Variants in RBMS3 observed in about 807,000 individuals in gnomAD.
RBMS3 encodes RNA-binding motif, single-stranded-interacting protein 3.
In RBMS3, 27 loss-of-function variants were observed where a neutral mutation model predicts 66.8. The ratio of observed to expected loss-of-function variants is 0.40; its 90% CI spans 0.30 to 0.56. The LOEUF is 0.56. Ranked by LOEUF, RBMS3 falls within the 20% of genes least tolerant of loss-of-function variation. The pLI, the probability that RBMS3 is intolerant of heterozygous loss-of-function variation, is 0.40. For synonymous variants in RBMS3, 188 were observed against 183.0 expected (o/e 1.03, Z -0.22); for missense variants, 513 against 549.5 (o/e 0.93, Z 0.66).
chr3:29,957,117 C>A (rs1490996308), intron 12 of RBMS3, among the ~76,000 whole-genome samples: 1 of 152,068 alleles, frequency 6.6e-6, no homozygotes, highest in Non-Finnish European at 1.5e-5. Flanking sequence ...GTTGCCTTAT[C>A]CTTTTGTCTT....
At chr3:29,883,801 T>C (rs1209745008) in intron 7 of RBMS3, among the ~76,000 whole-genome samples, 1 of 152,052 alleles carries the variant, frequency 6.6e-6, no homozygotes, top group Non-Finnish European at 1.5e-5. Context: ...AACTGCAGGA[T>C]TCGTTCTTAC....
intron 6 of RBMS3, among the ~76,000 whole-genome samples, chr3:29,848,799 G>T (rs77063987): frequency 0.096 from 14,596 of 152,144 alleles, 1,936 homozygotes; most frequent in African/African-American, 0.29. Flanking sequence ...AAACAGACTT[G>T]TAAGAGGTTT....
chr3:29,985,601 G>T (rs1185074537), intron 12 of RBMS3, among the ~76,000 whole-genome samples: 1 of 152,064 alleles, frequency 6.6e-6, no homozygotes, highest in Non-Finnish European at 1.5e-5. Flanking sequence ...GCTAGGAGAG[G>T]GAGTTATCCA....
At chr3:29,454,139 A>T (rs959987596) in intron 2 of RBMS3, among the ~76,000 whole-genome samples, 3 of 152,196 alleles carry the variant, frequency 2.0e-5, no homozygotes, top group African/African-American at 7.2e-5. Flanking sequence ...AGCTTTTGGA[A>T]GGGAGAAAGT....
intron 3 of RBMS3, among the ~76,000 whole-genome samples, chr3:29,537,048 G>A (rs2045581235): frequency 1.3e-5 from 2 of 152,044 alleles, no homozygotes. Flanking sequence ...TTGAAATGAT[G>A]GAAAATGATG....
At chr3:29,303,077 AG>A in intron 1 of RBMS3, among the ~76,000 whole-genome samples, 1 of 152,138 alleles carries the variant, frequency 6.6e-6, no homozygotes, top group East Asian at 1.9e-4. Context: ...ATGACAGCCA[AG>A]TGGTGGACCC....
At chr3:29,863,448 TC>T (rs2059267831) in intron 6 of RBMS3, among the ~76,000 whole-genome samples, 1 of 152,126 alleles carries the variant, frequency 6.6e-6, no homozygotes, top group African/African-American at 2.4e-5. Flanking sequence ...GTATCTGTCT[TC>T]CATTATAATC....
chr3:29,632,585 G>T (rs932096770), intron 4 of RBMS3, among the ~76,000 whole-genome samples: 3 of 151,766 alleles, frequency 2.0e-5, no homozygotes, highest in Admixed American at 1.3e-4. Context: ...TCGCGTTTTT[G>T]ATGATAATTA....
At chr3:29,528,944 G>T (rs567790304) in intron 3 of RBMS3, among the ~76,000 whole-genome samples, 6 of 151,418 alleles carry the variant, frequency 4.0e-5, no homozygotes, top group Non-Finnish European at 7.4e-5. Context: ...GGGTTTCACC[G>T]TGTTGGCCAG....
intron 1 of RBMS3, among the ~76,000 whole-genome samples, chr3:29,360,349 G>T (rs1345717770): frequency 6.6e-6 from 1 of 151,998 alleles, no homozygotes; most frequent in Admixed American, 6.5e-5. Flanking sequence ...CCATGTAGTT[G>T]AGTGGTTTTG....
At chr3:29,700,620 A>G (rs2052522720) in intron 4 of RBMS3, among the ~76,000 whole-genome samples, 1 of 152,154 alleles carries the variant, frequency 6.6e-6, no homozygotes, top group South Asian at 2.1e-4. Context: ...TAAGTACTAT[A>G]GTAAGATATG....
At chr3:29,297,881 C>G (rs1415398093) in intron 1 of RBMS3, among the ~76,000 whole-genome samples, 1 of 151,794 alleles carries the variant, frequency 6.6e-6, no homozygotes, top group East Asian at 1.9e-4. Flanking sequence ...CCAGCACTGG[C>G]TTTGGGTGTG....
intron 7 of RBMS3, among the ~76,000 whole-genome samples, chr3:29,880,171 T>C (rs1410416691): frequency 2.0e-5 from 3 of 152,164 alleles, no homozygotes; most frequent in Non-Finnish European, 4.4e-5. Flanking sequence ...ATCTAAAGTG[T>C]CCTATTTTGG....
chr3:29,650,437 C>A lies in RBMS3; in HGVS notation c.399+63232C>A, dbSNP rs2050105448. ...TTCCAAGTTACTGTGACTACATGCCCATGTTATCACACCCAGCTAATTTTT... is the reference window on the plus strand; with the variant it reads ...TTCCAAGTTACTGTGACTACATGCCAATGTTATCACACCCAGCTAATTTTT... On this transcript the variant is annotated intron_variant, in intron 4 of 14. Transcript: ENST00000383767. 2.0e-5 allele frequency among the ~76,000 whole-genome samples: 3 copies of A among 152,022 alleles called. No homozygotes were observed. In the South Asian group the frequency reaches 6.2e-4, roughly 32 times the overall value.
At chr3:29,502,029 A>G (rs1019482272) in intron 3 of RBMS3, among the ~76,000 whole-genome samples, 5 of 152,270 alleles carry the variant, frequency 3.3e-5, no homozygotes, top group South Asian at 2.1e-4. Flanking sequence ...ATTCATCAGA[A>G]GGGCAAATTT....
intron 3 of RBMS3, among the ~76,000 whole-genome samples, chr3:29,579,869 A>G (rs781439774): frequency 5.9e-5 from 9 of 152,302 alleles, no homozygotes; most frequent in Admixed American, 1.3e-4. Flanking sequence ...AAGTTTCTTT[A>G]ATCTCGATAA....
At chr3:29,902,005 AAATATAAAAATATTC>A (rs1265395408) in intron 10 of RBMS3, among the ~76,000 whole-genome samples, 1 of 151,840 alleles carries the variant, frequency 6.6e-6, no homozygotes, top group Non-Finnish European at 1.5e-5. Context: ...TATGATACTA[AAATATAAAAATATTC>A]AAGCCATCTT....
At chr3:29,527,846 A>G (rs2045193551) in intron 3 of RBMS3, among the ~76,000 whole-genome samples, 2 of 131,496 alleles carry the variant, frequency 1.5e-5, no homozygotes, top group African/African-American at 3.0e-5. Context: ...TCCTGTGTCC[A>G]AGTGTTCTCA....
chr3:29,857,910 C>G (rs929763035), intron 6 of RBMS3, among the ~76,000 whole-genome samples: 3 of 152,118 alleles, frequency 2.0e-5, no homozygotes, highest in African/African-American at 7.2e-5. Flanking sequence ...TGATGAACAT[C>G]TATAAATTAT....
Sources: gnomAD v4.1 joint callset for allele counts (sites outside exome capture counted in the v4.1 genomes callset) on GRCh38, gnomAD v4.1.1 for gene constraint, MANE v1.5 for transcripts, NCBI Gene and HGNC (gene_info 2026-07-23, HGNC 2026-07-21) for gene names.